The following CRACDL variants were observed in gnomAD, a reference collection of about 807,000 sequenced individuals.
CRACDL encodes the protein CRACD like.
CRACDL carries 26 observed loss-of-function variants against 70.6 expected under a neutral mutation model. The ratio of observed to expected loss-of-function variants is 0.37; its 90% confidence interval spans 0.27 to 0.51. The LOEUF (loss-of-function observed/expected upper bound fraction) is 0.51. Ranked by LOEUF, CRACDL falls within the 20% of genes least tolerant of loss-of-function variation. The probability of loss-of-function intolerance (pLI) is 0.94; values close to 1 mark genes in which losing one functional copy is unlikely to be tolerated. For synonymous variants in CRACDL, 618 were observed against 615.2 expected (o/e 1.00, Z -0.07); for missense variants, 1,283 against 1,376.9 (o/e 0.93, Z 1.08).
At chr2:98,884,143 T>G (rs1707736394) in intron 1 of CRACDL, among the ~76,000 whole-genome samples, 1 of 152,222 alleles carries the variant, frequency 6.6e-6, no homozygotes, top group Non-Finnish European at 1.5e-5. Context: ...CGGCAGAGCC[T>G]GGTGCTAAGG....
intron 1 of CRACDL, among the ~76,000 whole-genome samples, chr2:98,916,163 C>T (rs908229392): frequency 1.3e-5 from 2 of 152,176 alleles, no homozygotes; most frequent in African/African-American, 2.4e-5. Flanking sequence ...TGTAATACTT[C>T]GTAGCAACAG....
chr2:98,854,308 A>G (rs1277154887), intron 1 of CRACDL, among the ~76,000 whole-genome samples: 2 of 150,566 alleles, frequency 1.3e-5, no homozygotes, highest in African/African-American at 4.8e-5. Flanking sequence ...AAAGAAAGAA[A>G]AGAAAACCAG....
intron 1 of CRACDL, among the ~76,000 whole-genome samples, chr2:98,888,774 A>G (rs1282284327): frequency 1.3e-5 from 2 of 152,234 alleles, no homozygotes; most frequent in African/African-American, 4.8e-5. Flanking sequence ...CAACAGACAC[A>G]TTTAAATTCA....
chr2:98,837,801 G>C (rs1185307352), intron 3 of CRACDL, among the ~76,000 whole-genome samples: 1 of 152,062 alleles, frequency 6.6e-6, no homozygotes, highest in Non-Finnish European at 1.5e-5. Flanking sequence ...TTTAAGTCAA[G>C]TTAAACCAGG....
intron 1 of CRACDL, chr2:98,869,176 G>A (rs1707252616): frequency 7.7e-7 from 1 of 1,304,224 alleles, no homozygotes; most frequent in Non-Finnish European, 1.0e-6. Context: ...GCAGCAGGGA[G>A]AAGAGTGGGC....
Position 98,821,990 on chromosome 2 carries a change from G to A in CRACDL, c.2283C>T (p.Pro761=), listed in dbSNP as rs1293656018. 5.2e-6 allele frequency: 8 copies of A among 1,530,546 alleles called. No individual in the cohort carries two copies. Among genetic ancestry groups the A allele is most frequent in the Non-Finnish European group, 7.0e-6 (8 of 1,139,144 alleles). 94.8% of individuals were successfully genotyped at this position (1,530,546 alleles called of 1,614,324 possible). The change falls in exon 7 of 10, where the codon CCC becomes CCT. Residue 761 remains proline, a synonymous_variant. Transcript: ENST00000397899. The part of the protein sequence containing the change: ...RPPEPLSSKP[P]LPRKPLLQSF... ...TCTGCAGAAGCGGCTTCCGGGGCAG[G>A]GGCGGCTTGGAGCTGAGCGGCTCGG...
At chr2:98,925,703 T>G (rs1041291072) in intron 1 of CRACDL, among the ~76,000 whole-genome samples, 1 of 152,106 alleles carries the variant, frequency 6.6e-6, no homozygotes, top group African/African-American at 2.4e-5. Context: ...TGACTTCACT[T>G]TGCTAAGCCT....
intron 1 of CRACDL, among the ~76,000 whole-genome samples, chr2:98,871,617 C>A (rs567378829): frequency 6.6e-6 from 1 of 152,194 alleles, no homozygotes; most frequent in African/African-American, 2.4e-5. Flanking sequence ...AATCTGGCAG[C>A]ATGTATCAAA....
chr2:98,881,713 T>G (rs958242294), intron 1 of CRACDL, among the ~76,000 whole-genome samples: 1 of 152,184 alleles, frequency 6.6e-6, no homozygotes, highest in Non-Finnish European at 1.5e-5. Context: ...GCTTGGTTTC[T>G]GCACCATCCA....
At chr2:98,900,106 A>G (rs867854959) in intron 1 of CRACDL, among the ~76,000 whole-genome samples, 21 of 88,132 alleles carry the variant, frequency 2.4e-4, no homozygotes, top group South Asian at 4.8e-4. Context: ...GGGGAGGCAG[A>G]TGGACAGAGG....
chr2:98,864,548 C>CT (rs1048618234), intron 1 of CRACDL, among the ~76,000 whole-genome samples: 7,013 of 141,762 alleles, frequency 0.049, 194 homozygotes, highest in Non-Finnish European at 0.071. Flanking sequence ...TGATTGTACC[C>CT]TTTTTTTTTT....
intron 7 of CRACDL, among the ~76,000 whole-genome samples, chr2:98,814,180 GTTTA>G (rs990831797): frequency 2.0e-5 from 3 of 151,230 alleles, no homozygotes; most frequent in African/African-American, 7.3e-5. Flanking sequence ...TTGCTCTTAT[GTTTA>G]TTATTTCTTT....
intron 1 of CRACDL, among the ~76,000 whole-genome samples, chr2:98,862,961 T>A (rs1484177281): frequency 2.0e-5 from 3 of 152,150 alleles, no homozygotes; most frequent in Non-Finnish European, 4.4e-5. Flanking sequence ...TATATCTATA[T>A]ATACATTTTA....
chr2:98,842,573 G>A (rs1488331471), intron 2 of CRACDL, among the ~76,000 whole-genome samples: 1 of 151,890 alleles, frequency 6.6e-6, no homozygotes, highest in Admixed American at 6.6e-5. Context: ...AACATTCCCC[G>A]CTACCTTTAA....
At chr2:98,848,067 C>T (rs6542839) in intron 1 of CRACDL, among the ~76,000 whole-genome samples, 65,820 of 151,992 alleles carry the variant, frequency 0.43, 14,929 homozygotes, top group African/African-American at 0.57. Flanking sequence ...CTCTTGGAAC[C>T]TCACCAGATT....
Position 98,822,840 on chromosome 2 carries a change from C to A in CRACDL, c.1433G>T (p.Arg478Ile). 2.1e-6 allele frequency: 3 copies of A among 1,443,716 alleles called. No homozygotes were observed. The highest frequency in any genetic ancestry group is 1.8e-6 in the Non-Finnish European group (2 of 1,106,778). The allele number at this position is 1,443,716 out of a possible 1,614,324, so 89.4% of individuals were successfully genotyped here. ...PERGAGTEPE[R>I]IGTEPSTAPA... is the part of the protein sequence containing the mutation. ...CGCCGTGGAGGGCTCGGTCCCAATT[C>A]TCTCGGGCTCGGTCCCCGCTCCTCT... The change falls in exon 7 of 10, where the codon AGA becomes ATA. Residue 478 changes from arginine to isoleucine, a missense_variant. By Grantham distance (97) the Arg-to-Ile change is moderately conservative (BLOSUM62 -3). This residue lies in a region of CRACDL where 921 missense variants were observed against 881.9 expected (regional missense o/e 1.04). Coordinates refer to ENST00000397899, the MANE Select transcript of CRACDL (RefSeq NM_207362.3). This position sits in a 1 kb window ranked among gnomAD's most constrained non-coding sequence, Gnocchi z 4.9.
intron 5 of CRACDL, among the ~76,000 whole-genome samples, chr2:98,831,240 G>C (rs958244320): frequency 6.6e-6 from 1 of 152,138 alleles, no homozygotes; most frequent in Non-Finnish European, 1.5e-5. Context: ...TCTCTAGCCG[G>C]CTTCATGTCA....
chr2:98,882,178 G>T (rs1356022183), intron 1 of CRACDL, among the ~76,000 whole-genome samples: 1 of 152,212 alleles, frequency 6.6e-6, no homozygotes, highest in Non-Finnish European at 1.5e-5. Flanking sequence ...GGCCACTTAG[G>T]CTGCATTTCA....
rs1472874346 is a variant in CRACDL at position 98,846,774 on chromosome 2, A to C, written c.27T>G (p.Ile9Met). 2 of 1,614,232 alleles carry C rather than the reference A, an allele frequency of 1.2e-6. No individual in the cohort carries two copies. Among genetic ancestry groups the C allele is most frequent in the East Asian group, 4.5e-5 (2 of 44,886 alleles). MISTRVMD[I>M]KLREAAEGLG... ...GGCCTTCTGCAGCCTCCCGAAGCTT[A>C]ATGTCCATCACCCTTGTGGAAATCA... The change falls in exon 2 of 10, where the codon ATT (isoleucine) becomes ATG (methionine). Residue 9 changes from isoleucine (I) to methionine (M), a missense_variant. By Grantham distance (10) the Ile-to-Met change is conservative. This residue lies in a region of CRACDL where 362 missense variants were observed against 495.0 expected (regional missense o/e 0.73). Coordinates refer to ENST00000397899, the MANE Select transcript of CRACDL (RefSeq NM_207362.3).
Sources: gnomAD v4.1 joint callset for allele counts (sites outside exome capture counted in the v4.1 genomes callset) on GRCh38, gnomAD v4.1.1 for gene constraint, gnomAD v4.1.1 regional missense constraint, Gnocchi (gnomAD v3.1) non-coding constraint, MANE v1.5 for transcripts, NCBI Gene and HGNC (gene_info 2026-07-23, HGNC 2026-07-21) for gene names.